The following SLC12A4 variants were observed in gnomAD, a reference collection of about 807,000 sequenced individuals.
SLC12A4 encodes the protein solute carrier family 12 member 4.
Under a neutral mutation model 119.2 loss-of-function variants are expected in SLC12A4, and 84 were observed. The ratio of observed to expected loss-of-function variants is 0.70; its 90% confidence interval spans 0.59 to 0.85. The LOEUF (loss-of-function observed/expected upper bound fraction) is 0.85. SLC12A4 is among the 40% of genes least tolerant of loss of function. The probability of loss-of-function intolerance (pLI) is 0.00; values close to 1 mark genes in which losing one functional copy is unlikely to be tolerated. For synonymous variants in SLC12A4, 599 were observed against 604.6 expected (o/e 0.99, Z 0.14); for missense variants, 1,298 against 1,476.3 (o/e 0.88, Z 1.98).
At chr16:67,961,296 G>C (rs575516556) in intron 3 of SLC12A4, among the ~76,000 whole-genome samples, 1 of 152,154 alleles carries the variant, frequency 6.6e-6, no homozygotes, top group South Asian at 2.1e-4. Flanking sequence ...CCCAGGCCTG[G>C]TGTGGTACCT....
At position 67,943,534 on chromosome 16, in the gene SLC12A4, T is replaced by TG; in HGVS notation, c.*1305dup. The stretch of plus-strand genomic sequence containing the variant: ...GTGGGAACAGATAGGTCTGGGGGCA[T>TG]GGGGGCTGGGCCTAATAGGGGCCGG... On this transcript the variant is annotated 3_prime_UTR_variant, in exon 24 of 24. Coordinates refer to ENST00000316341, the MANE Select transcript of SLC12A4 (RefSeq NM_005072.5). The surrounding 1 kb of genome is among the most constrained non-coding windows in gnomAD (Gnocchi z 4.6). 2.0e-6 allele frequency: 1 copy of TG among 501,874 alleles called. No homozygotes were observed. Among genetic ancestry groups the TG allele is most frequent in the South Asian group, 2.0e-5 (1 of 49,136 alleles). 31.1% of individuals were successfully genotyped at this position (501,874 alleles called of 1,614,324 possible). A position where few individuals can be genotyped will look rare whatever the true frequency, so the allele number is the denominator to read the frequency against.
chr16:67,959,323 C>T (rs900287837), intron 3 of SLC12A4, among the ~76,000 whole-genome samples: 1 of 152,122 alleles, frequency 6.6e-6, no homozygotes, highest in Admixed American at 6.5e-5. Context: ...AGCAAAGCCT[C>T]CTCACTGATC....
At chr16:67,965,583 T>C (rs1264779519) in intron 1 of SLC12A4, among the ~76,000 whole-genome samples, 8 of 152,182 alleles carry the variant, frequency 5.3e-5, no homozygotes, top group African/African-American at 1.7e-4. Flanking sequence ...GGAAATCAAT[T>C]ATAATTTATT....
chr16:67,950,182 T>A lies in SLC12A4; in HGVS notation c.1629+137A>T. On this transcript the variant is annotated intron_variant, in intron 12 of 23. Coordinates refer to ENST00000316341, the MANE Select transcript of SLC12A4 (RefSeq NM_005072.5). The surrounding 1 kb of genome is among the most constrained non-coding windows in gnomAD (Gnocchi z 4.3). ...GTGCCAGGCCCAGGGCACTTCTCAG[T>A]AGCTCCTCATGGATGGCCGCCTGGC... 1 of 1,048,122 alleles carries A rather than the reference T, an allele frequency of 9.5e-7. No individual in the cohort carries two copies. The allele number at this position is 1,048,122 out of a possible 1,614,324, so 64.9% of individuals were successfully genotyped here.
At chr16:67,960,244 G>A (rs1451115939) in intron 3 of SLC12A4, among the ~76,000 whole-genome samples, 1 of 152,232 alleles carries the variant, frequency 6.6e-6, no homozygotes, top group African/African-American at 2.4e-5. Flanking sequence ...GAAGGGACAA[G>A]GATGAGGCTC....
chr16:67,946,217 T>G lies in SLC12A4; in HGVS notation c.2561A>C (p.Asp854Ala). The G allele has an allele frequency of 6.2e-7, 1 of 1,613,926 alleles. No individual in the cohort carries two copies. Among genetic ancestry groups the G allele is most frequent in the Non-Finnish European group, 8.5e-7 (1 of 1,180,028 alleles). ...GHIDVWWIVH[D>A]GGMLMLLPFL... ...GGGCAGAAGCATGAGCATGCCACCA[T>G]CGTGCACGATCCACCACACGTCTAT... The change falls in exon 19 of 24, where the codon GAT (aspartate) becomes GCT (alanine). Residue 854 changes from aspartate (D) to alanine (A), a missense_variant. Physicochemically the swap from Asp to Ala is moderately radical, Grantham distance 126 (BLOSUM62 -2). Coordinates refer to ENST00000316341, the MANE Select transcript of SLC12A4 (RefSeq NM_005072.5).
chr16:67,946,096 C>T lies in SLC12A4; in HGVS notation c.2608-14G>A. ...CTTCCTCCAGACCTGAGGCAAGGGA[C>T]CAGGTGGGCGGTTTGGTCACAGCTG... On this transcript the variant is annotated splice_polypyrimidine_tract_variant and intron_variant, in intron 19 of 23. Coordinates refer to ENST00000316341, the MANE Select transcript of SLC12A4 (RefSeq NM_005072.5). 6.2e-7 allele frequency: 1 copy of T among 1,613,174 alleles called. No homozygotes were observed. The highest frequency in any genetic ancestry group is 8.5e-7 in the Non-Finnish European group (1 of 1,179,460).
Position 67,951,514 on chromosome 16 carries a change from C to CTTT in SLC12A4, c.1133-211_1133-210insAAA. The CTTT allele has an allele frequency of 1.6e-6, 1 of 636,524 alleles. No individual in the cohort carries two copies. Among genetic ancestry groups the CTTT allele is most frequent in the Non-Finnish European group, 2.7e-6 (1 of 371,992 alleles). 39.4% of individuals were successfully genotyped at this position (636,524 alleles called of 1,614,324 possible). ...CGACAGACAAAGGTGGCTGAACCAC[C>CTTT]GTCACCCAGAGCCCGCCACTGCCCG... On this transcript the variant is annotated intron_variant, in intron 8 of 23. Transcript: ENST00000316341. The surrounding 1 kb of genome is among the most constrained non-coding windows in gnomAD (Gnocchi z 5.2).
chr16:67,953,171 G>A (rs905922171), intron 6 of SLC12A4, among the ~76,000 whole-genome samples: 1 of 152,056 alleles, frequency 6.6e-6, no homozygotes, highest in Non-Finnish European at 1.5e-5. Flanking sequence ...CCGACTGCCT[G>A]AGCTCAAGAG....
chr16:67,951,478 C>A lies in SLC12A4; in HGVS notation c.1133-174G>T, dbSNP rs1424434564. 3 of 729,044 alleles carry A rather than the reference C, an allele frequency of 4.1e-6. No homozygotes were observed. The African/African-American group carries it at 5.3e-5, about 13-fold the overall frequency. 45.2% of individuals were successfully genotyped at this position (729,044 alleles called of 1,614,324 possible). ...CCCTGACCACAGAGAAGGAGCTGCCCAGCTAGAAGTCGACAGACAAAGGTG... is the reference window on the plus strand; with the variant it reads ...CCCTGACCACAGAGAAGGAGCTGCCAAGCTAGAAGTCGACAGACAAAGGTG... On this transcript the variant is annotated intron_variant, in intron 8 of 23. Transcript: ENST00000316341. The surrounding 1 kb of genome is among the most constrained non-coding windows in gnomAD (Gnocchi z 5.2).
rs770577233 is a variant in SLC12A4, at chr16:67,944,924, C to G, written c.3174G>C (p.Glu1058Asp). The change falls in exon 24 of 24, where the codon GAG becomes GAC. Residue 1058 changes from glutamate to aspartate, a missense_variant. Transcript: ENST00000316341. This position sits in a 1 kb window ranked among gnomAD's most constrained non-coding sequence, Gnocchi z 6.6. ...RNSEGDENYMEFLEVLTEGLE... is the reference protein window; with the variant it reads ...RNSEGDENYMDFLEVLTEGLE... The stretch of plus-strand genomic sequence containing the variant: ...GGCCCTCGGTCAGCACCTCGAGGAA[C>G]TCCATGTCTGCAGGGCCTCAAGTCA... 6.2e-7 allele frequency: 1 copy of G among 1,613,302 alleles called. No individual in the cohort carries two copies. Among genetic ancestry groups the G allele is most frequent in the Non-Finnish European group, 8.5e-7 (1 of 1,180,020 alleles).
In SLC12A4 at chr16:67,949,380, G is replaced by A. The variant is rs982622320; in HGVS notation, c.1748+420C>T. 6.6e-6 allele frequency among the ~76,000 whole-genome samples: 1 copy of A among 152,120 alleles called. No homozygotes were observed. The highest frequency in any genetic ancestry group is 2.1e-4 in the South Asian group (1 of 4,830). The stretch of plus-strand genomic sequence containing the variant: ...GCAGGAGAATTGCTTGAACCCAGGA[G>A]GCGGAGATTGCAGTGAGCCAAGATC... On this transcript the variant is annotated intron_variant, in intron 13 of 23. Transcript: ENST00000316341. This position sits in a 1 kb window ranked among gnomAD's most constrained non-coding sequence, Gnocchi z 4.6.
intron 14 of SLC12A4, 83 bp from the exon 15 acceptor site, chr16:67,947,871 C>T (rs2058370416): frequency 1.3e-6 from 2 of 1,525,014 alleles, no homozygotes; most frequent in Non-Finnish European, 1.8e-6. Context: ...GTAGCCCTGT[C>T]AGGTCCCGGG....
chr16:67,950,828 G>GT lies in SLC12A4; in HGVS notation c.1397-118dup. ...CCTACAGCTGGGAGTCTCGTGGTGTGTATGTGCATGTGTGCATGAGAAGGG... is the reference window on the plus strand; with the variant it reads ...CCTACAGCTGGGAGTCTCGTGGTGTGTTATGTGCATGTGTGCATGAGAAGGG... On this transcript the variant is annotated intron_variant, in intron 10 of 23. Coordinates refer to ENST00000316341, the MANE Select transcript of SLC12A4 (RefSeq NM_005072.5). The surrounding 1 kb of genome is among the most constrained non-coding windows in gnomAD (Gnocchi z 4.3). 1 of 1,441,080 alleles carries GT rather than the reference G, an allele frequency of 6.9e-7. No individual in the cohort carries two copies. Among genetic ancestry groups the GT allele is most frequent in the South Asian group, 1.2e-5 (1 of 83,362 alleles). 89.3% of individuals were successfully genotyped at this position (1,441,080 alleles called of 1,614,324 possible).
chr16:67,951,509 A>G lies in SLC12A4; in HGVS notation c.1133-205T>C. On this transcript the variant is annotated intron_variant, in intron 8 of 23. Transcript: ENST00000316341. This position sits in a 1 kb window ranked among gnomAD's most constrained non-coding sequence, Gnocchi z 5.2. The stretch of plus-strand genomic sequence containing the variant: ...GAAGTCGACAGACAAAGGTGGCTGA[A>G]CCACCGTCACCCAGAGCCCGCCACT... The G allele has an allele frequency of 1.6e-6, 1 of 640,258 alleles. No homozygotes were observed. Among genetic ancestry groups the G allele is most frequent in the Non-Finnish European group, 2.7e-6 (1 of 375,558 alleles). 39.7% of individuals were successfully genotyped at this position (640,258 alleles called of 1,614,324 possible). A position where few individuals can be genotyped will look rare whatever the true frequency, so the allele number is the denominator to read the frequency against.
rs907277667 is a variant in SLC12A4, at chr16:67,966,733, C to G, written c.115+1706G>C. ...CCCTCTGACCCTTTGCAGTCCCCAC[C>G]AAGGATCAAAATCACTCACCGGGGC... On this transcript the variant is annotated intron_variant, in intron 1 of 23. Coordinates refer to ENST00000316341, the MANE Select transcript of SLC12A4 (RefSeq NM_005072.5). 3.2e-6 allele frequency: 5 copies of G among 1,551,452 alleles called. No individual in the cohort carries two copies. In the East Asian group the frequency reaches 1.2e-4, roughly 38 times the overall value.
rs1416145202 is a variant in SLC12A4 at position 67,968,439 on chromosome 16, C to G, written c.115G>C (p.Gly39Arg). The G allele has an allele frequency of 1.1e-5, 17 of 1,570,424 alleles. No individual in the cohort carries two copies. Among genetic ancestry groups the G allele is most frequent in the Non-Finnish European group, 1.5e-5 (17 of 1,164,946 alleles). The change falls in exon 1 of 24, where the codon GGA becomes CGA. Residue 39 changes from glycine (G) to arginine (R), a missense_variant and splice_region_variant. Transcript: ENST00000316341. ...ACGGCCCCTCAGAACGCGCCCTCAC[C>G]GTCCGAGTCATCCAGCTCGGCGCGC... ...GERAELDDSD[G>R]HGNHRESSPF...
In SLC12A4 at chr16:67,944,726, G is replaced by A. The variant is rs1312215206; in HGVS notation, c.*114C>T. 1 of 1,486,282 alleles carries A rather than the reference G, an allele frequency of 6.7e-7. No homozygotes were observed. Among genetic ancestry groups the A allele is most frequent in the Non-Finnish European group, 8.9e-7 (1 of 1,119,058 alleles). The allele number at this position is 1,486,282 out of a possible 1,614,324, so 92.1% of individuals were successfully genotyped here. ...ACCTAGCAAAGCTGGGTCCAGGACAGGGCCAGGCAAGCAGGGCTGGCAGGT... is the reference window on the plus strand; with the variant it reads ...ACCTAGCAAAGCTGGGTCCAGGACAAGGCCAGGCAAGCAGGGCTGGCAGGT... On this transcript the variant is annotated 3_prime_UTR_variant, in exon 24 of 24. Coordinates refer to ENST00000316341, the MANE Select transcript of SLC12A4 (RefSeq NM_005072.5). The surrounding 1 kb of genome is among the most constrained non-coding windows in gnomAD (Gnocchi z 6.6).
chr16:67,955,550 C>T (rs1400607233), intron 5 of SLC12A4, among the ~76,000 whole-genome samples: 2 of 151,776 alleles, frequency 1.3e-5, no homozygotes, highest in South Asian at 2.1e-4. Context: ...GGCGAGACCC[C>T]GTCTCTACTA....
Sources: gnomAD v4.1 joint callset for allele counts (sites outside exome capture counted in the v4.1 genomes callset) on GRCh38, gnomAD v4.1.1 for gene constraint, Gnocchi (gnomAD v3.1) non-coding constraint, MANE v1.5 for transcripts, NCBI Gene and HGNC (gene_info 2026-07-23, HGNC 2026-07-21) for gene names.